OTOF: variants seen among roughly 807,000 people sequenced by gnomAD.
OTOF encodes fer-1-like family member 2.
Under a neutral mutation model 236.8 loss-of-function variants are expected in OTOF, and 218 were observed. The ratio of observed to expected loss-of-function variants is 0.92; its 90% CI spans 0.82 to 1.03. OTOF has a LOEUF of 1.03. Among genes scored for constraint, OTOF ranks in the 50% least tolerant of loss-of-function variants. The pLI, the probability that OTOF is intolerant of heterozygous loss-of-function variation, is 0.00. For synonymous variants in OTOF, 1,041 were observed against 1,072.5 expected (o/e 0.97, Z 0.57); for missense variants, 2,590 against 2,694.4 (o/e 0.96, Z 0.86).
At chr2:26,484,006 T>C (rs2148061092) in intron 12 of OTOF, among the ~76,000 whole-genome samples, 1 of 152,360 alleles carries the variant, frequency 6.6e-6, no homozygotes, top group South Asian at 2.1e-4. Flanking sequence ...TTTTGTTTCG[T>C]AGACAAAAAC....
chr2:26,482,590 G>T lies in OTOF; in HGVS notation c.1395C>A (p.Gly465=). ...YVQVFFAGQK[G]KTSVQKSSYE... ...AGCTGCTCTTCTGCACTGAAGTCTT[G>T]CCCTGGTGGAAGGGGGAGCACAGGT... Residue 465 remains glycine, a splice_region_variant and synonymous_variant, in exon 14 of 47, where the codon GGC becomes GGA. Transcript: ENST00000272371. The T allele has an allele frequency of 6.2e-7, 1 of 1,612,314 alleles. No homozygotes were observed. Among genetic ancestry groups the T allele is most frequent in the Non-Finnish European group, 8.5e-7 (1 of 1,179,192 alleles).
intron 3 of OTOF, among the ~76,000 whole-genome samples, chr2:26,521,094 C>T (rs1000561899): frequency 3.9e-5 from 6 of 152,180 alleles, no homozygotes; most frequent in South Asian, 2.1e-4. Context: ...CCACTGGCCC[C>T]GACCCCAGGG....
At chr2:26,488,268 C>T (rs13031842) in intron 11 of OTOF, among the ~76,000 whole-genome samples, 34,000 of 152,196 alleles carry the variant, frequency 0.22, 4,628 homozygotes, top group South Asian at 0.34. Flanking sequence ...CTGCTGCCTA[C>T]ATTACTGTTT....
At chr2:26,544,822 G>A (rs1355584913) in intron 1 of OTOF, among the ~76,000 whole-genome samples, 13 of 152,068 alleles carry the variant, frequency 8.5e-5, no homozygotes, top group Non-Finnish European at 1.9e-4. Context: ...CAGATCATGA[G>A]GTCAGGAGAT....
At position 26,476,207 on chromosome 2, in the gene OTOF, C is replaced by A. The variant is rs140874810; in HGVS notation, c.2787G>T (p.Leu929=). 43 of 1,610,036 alleles carry A rather than the reference C, an allele frequency of 2.7e-5. No homozygotes were observed. The African/African-American group carries it at 4.7e-4, about 17-fold the overall frequency. The change falls in exon 23 of 47, where the codon CTG becomes CTT. Residue 929 remains leucine (L), a synonymous_variant. Coordinates refer to ENST00000272371, the MANE Select transcript of OTOF (RefSeq NM_194248.3). The part of the protein sequence containing the change: ...SKQRKEFLCG[L]PCGFQEVKAA... The stretch of plus-strand genomic sequence containing the variant: ...CCTTGACCTCCTGGAAGCCACAGGG[C>A]AGGCCGCACAGGAACTCCTTGCGCT...
intron 5 of OTOF, among the ~76,000 whole-genome samples, chr2:26,512,392 G>A (rs1666413215): frequency 6.6e-6 from 1 of 152,270 alleles, no homozygotes; most frequent in Non-Finnish European, 1.5e-5. Flanking sequence ...GTGCATGTGA[G>A]TGTGTGCAAA....
chr2:26,494,663 G>C (rs984585587), intron 9 of OTOF, among the ~76,000 whole-genome samples: 1 of 142,560 alleles, frequency 7.0e-6, no homozygotes, highest in East Asian at 2.3e-4. Flanking sequence ...GGGTGGGGGG[G>C]GGTTCTTTCA....
rs1667660487 is a variant in OTOF, at chr2:26,558,724, A to G, written c.-153T>C. On this transcript the variant is annotated 5_prime_UTR_variant, in exon 1 of 47. Transcript: ENST00000272371. ...GCTGCCCACAGAGACCAAGGCAACC[A>G]AGCCGAGCTAAGCTGCTCCTGCAGC... The G allele has an allele frequency of 3.2e-6, 2 of 633,954 alleles. No individual in the cohort carries two copies. Among genetic ancestry groups the G allele is most frequent in the African/African-American group, 3.7e-5 (2 of 54,456 alleles). 39.3% of individuals were successfully genotyped at this position (633,954 alleles called of 1,614,324 possible).
intron 34 of OTOF, 28 bp from the exon 35 acceptor site, chr2:26,467,261 G>T: frequency 6.2e-7 from 1 of 1,614,034 alleles, no homozygotes; most frequent in Non-Finnish European, 8.5e-7. Context: ...GTTAGGGGGC[G>T]GCTGCCTGGT....
intron 5 of OTOF, among the ~76,000 whole-genome samples, chr2:26,505,731 C>T (rs1305578146): frequency 6.6e-6 from 1 of 152,226 alleles, no homozygotes; most frequent in Admixed American, 6.5e-5. Flanking sequence ...TAGGACTGCA[C>T]TTTTCTGTGG....
At chr2:26,540,222 G>A (rs913370572) in intron 1 of OTOF, among the ~76,000 whole-genome samples, 2 of 152,192 alleles carry the variant, frequency 1.3e-5, no homozygotes, top group African/African-American at 2.4e-5. Flanking sequence ...GTGAGTCACC[G>A]CGCCCAGCCG....
intron 5 of OTOF, among the ~76,000 whole-genome samples, chr2:26,504,101 A>G (rs1418283194): frequency 2.0e-5 from 3 of 152,114 alleles, no homozygotes; most frequent in African/African-American, 7.2e-5. Flanking sequence ...TGGGGTCCCC[A>G]GCAAGCAGGG....
In OTOF at chr2:26,476,193, T is replaced by C. The variant is rs867169110; in HGVS notation, c.2801A>G (p.Gln934Arg). The change falls in exon 23 of 47, where the codon CAG becomes CGG. Residue 934 changes from glutamine to arginine, a missense_variant. Physicochemically the swap from Gln to Arg is conservative, Grantham distance 43. Around this residue, in one of 2 missense-constraint regions of OTOF, gnomAD observed 1,379 missense variants for 1,341.6 expected, o/e 1.03. Transcript: ENST00000272371. Reference sequence around the variant, plus strand: ...CAGGCCCTGGGCTGCCTTGACCTCCTGGAAGCCACAGGGCAGGCCGCACAG... The same window carrying C: ...CAGGCCCTGGGCTGCCTTGACCTCCCGGAAGCCACAGGGCAGGCCGCACAG... ...EFLCGLPCGF[Q>R]EVKAAQGLGL... 7 of 1,610,846 alleles carry C rather than the reference T, an allele frequency of 4.3e-6. 1 individual carries two copies. The Middle Eastern group carries it at 8.3e-4, about 190-fold the overall frequency.
intron 8 of OTOF, among the ~76,000 whole-genome samples, chr2:26,497,578 C>A (rs570838899): frequency 1.3e-5 from 2 of 151,206 alleles, no homozygotes; most frequent in Non-Finnish European, 3.0e-5. Context: ...TGAAAAATAA[C>A]CTGAGGGTGA....
chr2:26,494,376 C>A (rs4665858), intron 9 of OTOF, among the ~76,000 whole-genome samples: 60,950 of 152,146 alleles, frequency 0.4, 13,110 homozygotes, highest in East Asian at 0.88. Context: ...CATGAAGGAG[C>A]CGAGCCAAGA....
intron 2 of OTOF, among the ~76,000 whole-genome samples, chr2:26,535,945 G>T (rs1212211295): frequency 6.6e-6 from 1 of 152,236 alleles, no homozygotes; most frequent in African/African-American, 2.4e-5. Context: ...CCCTTGGAAG[G>T]GGCATCAGGT....
chr2:26,488,014 AGAT>A (rs962247722), intron 11 of OTOF, among the ~76,000 whole-genome samples: 4 of 152,178 alleles, frequency 2.6e-5, no homozygotes, highest in African/African-American at 9.7e-5. Flanking sequence ...AGGCTGGACT[AGAT>A]GTTTTTCAGG....
At chr2:26,476,340 C>T in intron 22 of OTOF, 23 bp from the exon 23 acceptor site, 1 of 1,598,338 alleles carries the variant, frequency 6.3e-7, no homozygotes, top group Non-Finnish European at 8.5e-7. Context: ...ATGGGGTCAC[C>T]AGGAGCCTGA....
intron 9 of OTOF, among the ~76,000 whole-genome samples, chr2:26,492,543 C>A (rs865947752): frequency 6.6e-6 from 1 of 152,276 alleles, no homozygotes; most frequent in East Asian, 1.9e-4. Flanking sequence ...CTGCGCAGGG[C>A]GGAAACTGTG....
Sources: allele counts gnomAD v4.1 joint callset (sites outside exome capture counted in the v4.1 genomes callset), GRCh38; gene constraint gnomAD v4.1.1; regional missense constraint gnomAD v4.1.1; transcripts MANE v1.5; gene names NCBI Gene and HGNC (gene_info 2026-07-23, HGNC 2026-07-21).